The following MYH10 variants were observed in gnomAD, a reference collection of about 807,000 sequenced individuals.
The protein encoded by MYH10 is myosin-10.
A neutral mutation model predicts 257.8 loss-of-function variants in MYH10; 55 were observed. The ratio of observed to expected loss-of-function variants is 0.21; its 90% CI spans 0.17 to 0.27. The LOEUF is 0.27. Ranked by LOEUF, MYH10 falls within the 10% of genes least tolerant of loss-of-function variation. MYH10 has a pLI of 1.00. For synonymous variants in MYH10, 854 were observed against 921.7 expected (o/e 0.93, Z 1.33); for missense variants, 1,631 against 2,500.6 (o/e 0.65, Z 7.42).
intron 4 of MYH10, among the ~76,000 whole-genome samples, chr17:8,587,718 C>A (rs974737497): frequency 9.8e-5 from 15 of 152,290 alleles, no homozygotes; most frequent in African/African-American, 3.6e-4. Flanking sequence ...TTCCTCTCAT[C>A]AGCACTGAAT....
At chr17:8,622,547 C>T (rs995673194) in intron 2 of MYH10, among the ~76,000 whole-genome samples, 3 of 152,280 alleles carry the variant, frequency 2.0e-5, no homozygotes, top group South Asian at 2.1e-4. Flanking sequence ...GATTTTTGAC[C>T]GTTTTGCTGT....
In MYH10 at chr17:8,574,053, A is replaced by G. The variant is rs537903698; in HGVS notation, c.663+2590T>C. 2.0e-5 allele frequency among the ~76,000 whole-genome samples: 3 copies of G among 152,358 alleles called. No homozygotes were observed. In the South Asian group the frequency reaches 6.2e-4, roughly 32 times the overall value. Reference sequence around the variant, plus strand: ...GTAGCTACCTAAGAAAAATGAAAACATATGTTCTCACCATAACTTGTACAT... The same window carrying G: ...GTAGCTACCTAAGAAAAATGAAAACGTATGTTCTCACCATAACTTGTACAT... On this transcript the variant is annotated intron_variant, in intron 6 of 42. Coordinates refer to ENST00000360416, the MANE Select transcript of MYH10 (RefSeq NM_001256012.3).
intron 2 of MYH10, 25 bp downstream of exon 2, chr17:8,622,877 A>G: frequency 1.9e-6 from 3 of 1,606,048 alleles, no homozygotes; most frequent in Non-Finnish European, 1.7e-6. Flanking sequence ...ACCACTTCAC[A>G]TGATTATTTG....
intron 21 of MYH10, among the ~76,000 whole-genome samples, chr17:8,515,691 C>T (rs1468482507): frequency 6.6e-6 from 1 of 151,650 alleles, no homozygotes; most frequent in African/African-American, 2.4e-5. Flanking sequence ...TACAGGTGTG[C>T]ACCACCATGC....
rs1915596876 is a variant in MYH10, at chr17:8,490,474, C to T, written c.4750G>A (p.Asp1584Asn). Residue 1584 changes from aspartate (D) to asparagine (N), a missense_variant, in exon 35 of 43, where the codon GAC (aspartate) becomes AAC (asparagine). Coordinates refer to ENST00000360416, the MANE Select transcript of MYH10 (RefSeq NM_001256012.3). The surrounding 1 kb of genome is among the most constrained non-coding windows in gnomAD (Gnocchi z 4.1). ...EMRTQLEELEDELQATEDAKL... is the reference protein window; with the variant it reads ...EMRTQLEELENELQATEDAKL... The stretch of plus-strand genomic sequence containing the variant: ...GCATCTTCCGTGGCCTGGAGTTCGT[C>T]TTCCAGCTCCTCCAGCTGGGTCCTC... 3.7e-6 allele frequency: 6 copies of T among 1,614,212 alleles called. No individual in the cohort carries two copies. The highest frequency in any genetic ancestry group is 5.1e-6 in the Non-Finnish European group (6 of 1,180,034).
At chr17:8,503,552 C>G (rs2080978580) in intron 28 of MYH10, among the ~76,000 whole-genome samples, 1 of 152,198 alleles carries the variant, frequency 6.6e-6, no homozygotes. Context: ...AGCCGGCCTG[C>G]CCTGTGGACA....
Position 8,545,236 on chromosome 17 carries a change from C to G in MYH10, c.1431+212G>C, listed in dbSNP as rs895123989. On this transcript the variant is annotated intron_variant, in intron 13 of 42. Transcript: ENST00000360416. This position sits in a 1 kb window ranked among gnomAD's most constrained non-coding sequence, Gnocchi z 4.7. ...ACCTTCCCTGAACAGCTATCTCAAG[C>G]TGGCCTCCCAGTTCTATCACAGCAC... Among the ~76,000 whole-genome samples the G allele has an allele frequency of 6.6e-6, 1 of 152,224 alleles. No individual in the cohort carries two copies. The highest frequency in any genetic ancestry group is 1.5e-5 in the Non-Finnish European group (1 of 68,046).
chr17:8,487,381 C>T, intron 36 of MYH10, 52 bp downstream of exon 36: 2 of 1,607,312 alleles, frequency 1.2e-6, no homozygotes, highest in East Asian at 2.2e-5. Flanking sequence ...TGTGTAAAAG[C>T]CACATAGGTC....
Position 8,585,288 on chromosome 17 carries a change from G to GTATATATATATATATATA in MYH10, c.530+3775_530+3792dup, listed in dbSNP as rs71159599. On this transcript the variant is annotated intron_variant, in intron 4 of 42. Coordinates refer to ENST00000360416, the MANE Select transcript of MYH10 (RefSeq NM_001256012.3). The stretch of plus-strand genomic sequence containing the variant: ...TATATATATGTGCATGTGTGTGTGT[G>GTATATATATATATATATA]TATATATATATATATATAGCTACAT... Among the ~76,000 whole-genome samples, 157 of 99,312 alleles carry GTATATATATATATATATA rather than the reference G, an allele frequency of 1.6e-3. 3 individuals are homozygous for GTATATATATATATATATA. The highest frequency in any genetic ancestry group is 1.9e-3 in the African/African-American group (51 of 26,542). The allele number at this position is 99,312 out of a possible 152,430, so 65.2% of individuals were successfully genotyped here. A position where few individuals can be genotyped will look rare whatever the true frequency, so the allele number is the denominator to read the frequency against.
At position 8,480,251 on chromosome 17, in the gene MYH10, T is replaced by G; in HGVS notation, c.5456A>C (p.Gln1819Pro). The G allele has an allele frequency of 6.2e-7, 1 of 1,614,136 alleles. No individual in the cohort carries two copies. Among genetic ancestry groups the G allele is most frequent in the Non-Finnish European group, 8.5e-7 (1 of 1,180,016 alleles). The change falls in exon 40 of 43, where the codon CAG becomes CCG. Residue 1819 changes from glutamine to proline, a missense_variant. Gln to Pro is a moderately conservative substitution (Grantham distance 76, BLOSUM62 -1). Coordinates refer to ENST00000360416, the MANE Select transcript of MYH10 (RefSeq NM_001256012.3). ...CTCCTTGTTCTGCCGCTCCAGTTGC[T>G]GGCGTGCATTGTCACTCTTCTGGGC... ...SAAQKSDNAR[Q>P]QLERQNKELK...
rs368099805 is a variant in MYH10 at position 8,501,175 on chromosome 17, T to C, written c.3600-205A>G. On this transcript the variant is annotated intron_variant, in intron 28 of 42. Coordinates refer to ENST00000360416, the MANE Select transcript of MYH10 (RefSeq NM_001256012.3). ...AGAGCTGAGTAGTGGTTCATGCCTA[T>C]AACCCCGGCAATTTGGGAGGCTAAG... Among the ~76,000 whole-genome samples, 18 of 152,292 alleles carry C rather than the reference T, an allele frequency of 1.2e-4. 1 individual carries two copies. In the South Asian group the frequency reaches 2.5e-3, roughly 21 times the overall value.
intron 14 of MYH10, among the ~76,000 whole-genome samples, chr17:8,536,484 ATTTGT>A (rs1284626684): frequency 1.3e-5 from 2 of 152,202 alleles, no homozygotes; most frequent in African/African-American, 2.4e-5. Context: ...TGCCTTATAT[ATTTGT>A]TTTAACAGGC....
Position 8,552,056 on chromosome 17 carries a change from T to C in MYH10, c.909A>G (p.Glu303=). ...ACCTTTGTAACTTACACTTTAGGTGTTCTCCTGCTCCAGATAACAACTGGT... is the reference window on the plus strand; with the variant it reads ...ACCTTTGTAACTTACACTTTAGGTGCTCTCCTGCTCCAGATAACAACTGGT... ...IFYQLLSGAG[E]HLKSDLLLEG... Residue 303 remains glutamate (E), a synonymous_variant, in exon 9 of 43, where the codon GAA becomes GAG. Coordinates refer to ENST00000360416, the MANE Select transcript of MYH10 (RefSeq NM_001256012.3). The surrounding 1 kb of genome is among the most constrained non-coding windows in gnomAD (Gnocchi z 4.8). 1 of 1,527,908 alleles carries C rather than the reference T, an allele frequency of 6.5e-7. No individual in the cohort carries two copies. Among genetic ancestry groups the C allele is most frequent in the Non-Finnish European group, 8.9e-7 (1 of 1,127,534 alleles). 94.6% of individuals were successfully genotyped at this position (1,527,908 alleles called of 1,614,324 possible). A position where few individuals can be genotyped will look rare whatever the true frequency, so the allele number is the denominator to read the frequency against.
rs1409072936 is a variant in MYH10, at chr17:8,499,258, T to G, written c.3951+12A>C. 1 of 1,554,356 alleles carries G rather than the reference T, an allele frequency of 6.4e-7. No homozygotes were observed. The highest frequency in any genetic ancestry group is 8.7e-7 in the Non-Finnish European group (1 of 1,147,100). On this transcript the variant is annotated intron_variant, in intron 30 of 42. Coordinates refer to ENST00000360416, the MANE Select transcript of MYH10 (RefSeq NM_001256012.3). Reference sequence around the variant, plus strand: ...CAGTGGGACGTGTGTAGAGCGGAGGTTTCTGGCTTACCTGCAGCTTACTTG... The same window carrying G: ...CAGTGGGACGTGTGTAGAGCGGAGGGTTCTGGCTTACCTGCAGCTTACTTG...
Position 8,504,657 on chromosome 17 carries a change from G to A in MYH10, c.3599+37C>T. The A allele has an allele frequency of 6.3e-7, 1 of 1,584,504 alleles. No homozygotes were observed. Among genetic ancestry groups the A allele is most frequent in the South Asian group, 1.1e-5 (1 of 89,892 alleles). ...CTGCACGGGCTCGGTGGAGAGGTCGGCAGGCGCCCGGGCCCTGCTTCCTCT... is the reference window on the plus strand; with the variant it reads ...CTGCACGGGCTCGGTGGAGAGGTCGACAGGCGCCCGGGCCCTGCTTCCTCT... On this transcript the variant is annotated intron_variant, in intron 28 of 42. Coordinates refer to ENST00000360416, the MANE Select transcript of MYH10 (RefSeq NM_001256012.3). The surrounding 1 kb of genome is among the most constrained non-coding windows in gnomAD (Gnocchi z 5.6).
At chr17:8,529,025 G>A (rs1472169061) in intron 17 of MYH10, among the ~76,000 whole-genome samples, 1 of 152,150 alleles carries the variant, frequency 6.6e-6, no homozygotes, top group Non-Finnish European at 1.5e-5. Context: ...TGAGGGGAAT[G>A]AGCCACCCCG....
At chr17:8,619,866 G>A (rs867690573) in intron 2 of MYH10, among the ~76,000 whole-genome samples, 6 of 151,868 alleles carry the variant, frequency 4.0e-5, no homozygotes, top group African/African-American at 9.7e-5. Context: ...CGGAGGTTGC[G>A]ATGAGCCGAG....
intron 11 of MYH10, 38 bp from the exon 12 acceptor site, chr17:8,546,700 A>C: frequency 6.8e-7 from 1 of 1,469,632 alleles, no homozygotes; most frequent in Non-Finnish European, 9.5e-7. Flanking sequence ...TACATTTTTT[A>C]CTTACAATCT....
chr17:8,553,885 G>A lies in MYH10; in HGVS notation c.820+70C>T, dbSNP rs143930737. ...GGATTTTGGGAGTGATATCACAGAC[G>A]GTTGCCATGGGGTTGTAGGAAGACT... On this transcript the variant is annotated intron_variant, in intron 8 of 42. Coordinates refer to ENST00000360416, the MANE Select transcript of MYH10 (RefSeq NM_001256012.3). 617 of 1,254,522 alleles carry A rather than the reference G, an allele frequency of 4.9e-4. 7 individuals carry two copies. The East Asian group carries it at 0.013, about 26-fold the overall frequency. 77.7% of individuals were successfully genotyped at this position (1,254,522 alleles called of 1,614,324 possible).
Sources: allele counts gnomAD v4.1 joint callset (sites outside exome capture counted in the v4.1 genomes callset), GRCh38; gene constraint gnomAD v4.1.1; non-coding constraint Gnocchi (gnomAD v3.1); transcripts MANE v1.5; gene names NCBI Gene and HGNC (gene_info 2026-07-23, HGNC 2026-07-21).